IMMP2L: variants seen among roughly 807,000 people sequenced by gnomAD.
IMMP2L encodes mitochondrial inner membrane protease subunit 2.
In IMMP2L, 18 loss-of-function variants were observed where a neutral mutation model predicts 19.3. The ratio of observed to expected loss-of-function variants is 0.93; its 90% confidence interval spans 0.64 to 1.38. IMMP2L has a LOEUF of 1.38. Among genes scored for constraint, IMMP2L ranks in the 40% most tolerant of loss-of-function variants. The pLI, the probability that IMMP2L is intolerant of heterozygous loss-of-function variation, is 0.00. For synonymous variants in IMMP2L, 76 were observed against 73.0 expected, an observed-to-expected ratio of 1.04 and a Z score of -0.21; for missense variants, 233 against 218.2, an observed-to-expected ratio of 1.07 and a Z score of -0.43.
At chr7:111,468,585 C>A (rs1246976529) in intron 3 of IMMP2L, among the ~76,000 whole-genome samples, 1 of 151,802 alleles carries the variant, frequency 6.6e-6, no homozygotes, top group Non-Finnish European at 1.5e-5. Context: ...GACTCATATG[C>A]AATATAAGAA....
chr7:110,885,917 T>C (rs955326825), intron 5 of IMMP2L, among the ~76,000 whole-genome samples: 1 of 152,036 alleles, frequency 6.6e-6, no homozygotes, highest in African/African-American at 2.4e-5. Context: ...GTTAAAATAA[T>C]TATCTTCCTT....
At chr7:110,902,931 CA>C (rs752631512) in intron 4 of IMMP2L, among the ~76,000 whole-genome samples, 258 of 8,588 alleles carry the variant, frequency 0.03, 1 homozygote, top group African/African-American at 0.12. Flanking sequence ...GACTCCGTCT[CA>C]AAAAAAAAAA....
chr7:111,407,005 A>C (rs1250918682), intron 3 of IMMP2L, among the ~76,000 whole-genome samples: 2 of 152,124 alleles, frequency 1.3e-5, no homozygotes, highest in African/African-American at 4.8e-5. Context: ...CGACATATAC[A>C]TAATGAAATT....
chr7:110,791,453 T>C (rs1470599056), intron 5 of IMMP2L, among the ~76,000 whole-genome samples: 1 of 151,692 alleles, frequency 6.6e-6, no homozygotes, highest in Non-Finnish European at 1.5e-5. Flanking sequence ...ATGAGAACTA[T>C]TACTGTGTTA....
intron 4 of IMMP2L, among the ~76,000 whole-genome samples, chr7:110,936,425 T>G (rs1005597567): frequency 6.6e-6 from 1 of 152,230 alleles, no homozygotes; most frequent in Non-Finnish European, 1.5e-5. Context: ...AATACATTTA[T>G]GTGGCCAACA....
chr7:110,994,235 T>G (rs1284897333), intron 3 of IMMP2L, among the ~76,000 whole-genome samples: 1 of 152,028 alleles, frequency 6.6e-6, no homozygotes, highest in Non-Finnish European at 1.5e-5. Context: ...CTTTGCTTTC[T>G]CTTGATTTCA....
chr7:110,813,748 A>AT (rs3051188), intron 5 of IMMP2L, among the ~76,000 whole-genome samples: 10,858 of 149,142 alleles, frequency 0.073, 526 homozygotes, highest in African/African-American at 0.14. Flanking sequence ...ACACACCAGG[A>AT]TTTTTTTTTT....
At chr7:110,706,800 G>C (rs961967261) in intron 5 of IMMP2L, among the ~76,000 whole-genome samples, 1 of 152,012 alleles carries the variant, frequency 6.6e-6, no homozygotes, top group Non-Finnish European at 1.5e-5. Flanking sequence ...TAGGTTGCCT[G>C]CTTACTCTAT....
At chr7:110,959,860 A>C (rs1351271156) in intron 4 of IMMP2L, among the ~76,000 whole-genome samples, 1 of 151,972 alleles carries the variant, frequency 6.6e-6, no homozygotes, top group East Asian at 1.9e-4. Flanking sequence ...ACTTTGCATC[A>C]TTAACCCTTG....
chr7:110,730,674 G>GCCA (rs1297213077), intron 5 of IMMP2L, among the ~76,000 whole-genome samples: 1 of 152,122 alleles, frequency 6.6e-6, no homozygotes, highest in Non-Finnish European at 1.5e-5. Context: ...ACAGGCGCCA[G>GCCA]CCACCACGCC....
chr7:111,356,140 A>C (rs1288392959), intron 3 of IMMP2L, among the ~76,000 whole-genome samples: 3 of 152,082 alleles, frequency 2.0e-5, no homozygotes, highest in Non-Finnish European at 4.4e-5. Context: ...AATAAAATAC[A>C]ATCAGCTATA....
intron 3 of IMMP2L, among the ~76,000 whole-genome samples, chr7:110,991,400 AT>A (rs1822440879): frequency 6.6e-6 from 1 of 152,222 alleles, no homozygotes; most frequent in Non-Finnish European, 1.5e-5. Flanking sequence ...ATTTATTATC[AT>A]CATAATGAAT....
chr7:111,504,791 C>A (rs1844699997), intron 2 of IMMP2L, among the ~76,000 whole-genome samples: 1 of 152,064 alleles, frequency 6.6e-6, no homozygotes, highest in Non-Finnish European at 1.5e-5. Context: ...GAAACTGGAT[C>A]CCTTCCTTAC....
chr7:110,889,651 C>T (rs1398940470), intron 4 of IMMP2L, among the ~76,000 whole-genome samples: 1 of 152,138 alleles, frequency 6.6e-6, no homozygotes, highest in Non-Finnish European at 1.5e-5. Flanking sequence ...GGACTCCTGC[C>T]CCAACTGGGC....
chr7:111,048,733 C>T (rs1792696624), intron 3 of IMMP2L, among the ~76,000 whole-genome samples: 1 of 152,066 alleles, frequency 6.6e-6, no homozygotes, highest in Non-Finnish European at 1.5e-5. Flanking sequence ...ATTTGTGTTT[C>T]ATAAAGACTA....
chr7:111,069,331 T>C (rs1001212906), intron 3 of IMMP2L, among the ~76,000 whole-genome samples: 3 of 152,172 alleles, frequency 2.0e-5, no homozygotes, highest in Non-Finnish European at 4.4e-5. Flanking sequence ...CTGGGCTAGA[T>C]GATTGTTAGC....
intron 3 of IMMP2L, among the ~76,000 whole-genome samples, chr7:111,064,343 C>T (rs1378672686): frequency 6.6e-6 from 1 of 152,132 alleles, no homozygotes; most frequent in Non-Finnish European, 1.5e-5. Flanking sequence ...AGGGCCAAAC[C>T]ATATCATCCT....
chr7:110,942,121 C>A (rs1314938059), intron 4 of IMMP2L, among the ~76,000 whole-genome samples: 1 of 151,918 alleles, frequency 6.6e-6, no homozygotes, highest in Non-Finnish European at 1.5e-5. Context: ...ATAAATTCTA[C>A]TTCTAAAGTA....
chr7:110,681,345 G>A (rs1040709066), intron 5 of IMMP2L, among the ~76,000 whole-genome samples: 1 of 152,060 alleles, frequency 6.6e-6, no homozygotes, highest in Non-Finnish European at 1.5e-5. Flanking sequence ...CTGAATCCAT[G>A]CTTTCTACAC....
Sources: allele counts gnomAD v4.1 joint callset (sites outside exome capture counted in the v4.1 genomes callset), GRCh38; gene constraint gnomAD v4.1.1; transcripts MANE v1.5; gene names NCBI Gene and HGNC (gene_info 2026-07-23, HGNC 2026-07-21).